CSMD2: variants seen among roughly 807,000 people sequenced by gnomAD.
CSMD2 encodes CUB and Sushi multiple domains 2, also known as CUB and sushi domain-containing protein 2.
A neutral mutation model predicts 398.5 loss-of-function variants in CSMD2; 130 were observed. The observed-to-expected ratio is 0.33, with a 90% CI of 0.28 to 0.38. CSMD2 has a LOEUF of 0.38. Among genes scored for constraint, CSMD2 ranks in the 10% least tolerant of loss-of-function variants. CSMD2 has a pLI of 1.00. For missense variants in CSMD2, 3,829 were observed against 4,764.9 expected, an observed-to-expected ratio of 0.80 and a Z score of 5.78; for synonymous variants, 1,828 against 1,908.5, an observed-to-expected ratio of 0.96 and a Z score of 1.10.
intron 37 of CSMD2, among the ~76,000 whole-genome samples, chr1:33,620,042 G>T (rs1425310267): frequency 6.6e-6 from 1 of 152,172 alleles, no homozygotes. Flanking sequence ...TGGAATGGGA[G>T]AAAGATGAGG....
At chr1:33,726,191 T>C (rs1002862492) in intron 16 of CSMD2, among the ~76,000 whole-genome samples, 9 of 152,146 alleles carry the variant, frequency 5.9e-5, no homozygotes, top group African/African-American at 2.2e-4. Context: ...CCTTCCCACG[T>C]TGGACATTTC....
intron 3 of CSMD2, among the ~76,000 whole-genome samples, chr1:33,968,819 A>G (rs1317751218): frequency 6.6e-6 from 1 of 152,228 alleles, no homozygotes; most frequent in Non-Finnish European, 1.5e-5. Context: ...GTTGGTGACA[A>G]TTTTATAACT....
intron 2 of CSMD2, among the ~76,000 whole-genome samples, chr1:34,065,378 G>C (rs1018039136): frequency 2.6e-5 from 4 of 152,284 alleles, no homozygotes; most frequent in Middle Eastern, 3.4e-3. Context: ...ATGGGCTGGG[G>C]TCCAAATCTC....
intron 3 of CSMD2, among the ~76,000 whole-genome samples, chr1:33,994,317 G>A (rs1383837638): frequency 1.3e-5 from 2 of 152,022 alleles, no homozygotes; most frequent in Non-Finnish European, 2.9e-5. Context: ...TGACAGGCAG[G>A]CAAATTTCAT....
In CSMD2 at chr1:33,611,122, G is replaced by A; in HGVS notation, c.6262C>T (p.Leu2088Phe). ...FSGSELPSSLLSTSHETTVYF... is the reference protein window; with the variant it reads ...FSGSELPSSLFSTSHETTVYF... ...ACGGTGGTCTCGTGGGACGTGGAGA[G>A]GAGGGAGCTTGGAAGCTCGCTTCCA... Residue 2088 changes from leucine to phenylalanine, a missense_variant, in exon 41 of 71, where the codon CTC becomes TTC. Leu to Phe is a conservative substitution (Grantham distance 22). This residue lies in a region of CSMD2 where 2,001 missense variants were observed against 2,567.1 expected (regional missense o/e 0.78). Coordinates refer to ENST00000373381, the MANE Select transcript of CSMD2 (RefSeq NM_001281956.2). 1 of 1,614,110 alleles carries A rather than the reference G, an allele frequency of 6.2e-7. No individual in the cohort carries two copies. Among genetic ancestry groups the A allele is most frequent in the South Asian group, 1.1e-5 (1 of 91,042 alleles).
rs878885361 is a variant in CSMD2 at position 33,546,183 on chromosome 1, G to A, written c.8954C>T (p.Pro2985Leu). The A allele has an allele frequency of 1.2e-6, 2 of 1,614,036 alleles. No homozygotes were observed. Among genetic ancestry groups the A allele is most frequent in the African/African-American group, 1.3e-5 (1 of 75,038 alleles). ...SVGVCGDPGIPAHGIRLGDSF... is the reference protein window; with the variant it reads ...SVGVCGDPGILAHGIRLGDSF... ...GTCCCCCAAACGGATGCCATGAGCC[G>A]GGATCCCAGGGTCACCGCAAACTCC... The change falls in exon 57 of 71, where the codon CCG (proline) becomes CTG (leucine). Residue 2985 changes from proline (P) to leucine (L), a missense_variant. Physicochemically the swap from Pro to Leu is moderately conservative, Grantham distance 98. This residue lies in a region of CSMD2 where 917 missense variants were observed against 1,199.5 expected (regional missense o/e 0.76). Transcript: ENST00000373381.
At chr1:33,677,636 C>G (rs1314085637) in intron 25 of CSMD2, among the ~76,000 whole-genome samples, 1 of 152,124 alleles carries the variant, frequency 6.6e-6, no homozygotes, top group African/African-American at 2.4e-5. Context: ...ATAAATCATG[C>G]AGCTATAAAG....
intron 44 of CSMD2, chr1:33,600,349 C>G: frequency 1.7e-6 from 1 of 588,232 alleles, no homozygotes. Flanking sequence ...GAGGAAATAT[C>G]CAGATCCCTA....
rs553514134 is a variant in CSMD2, at chr1:33,624,302, G to A, written c.5625+217C>T. On this transcript the variant is annotated intron_variant, in intron 35 of 70. Coordinates refer to ENST00000373381, the MANE Select transcript of CSMD2 (RefSeq NM_001281956.2). The surrounding 1 kb of genome is among the most constrained non-coding windows in gnomAD (Gnocchi z 4.7). ...CCACCGCATGTCCCTGAAGCTCTTG[G>A]GGCCTGGAACCTGCTGTGTTTTCTG... 4.6e-5 allele frequency among the ~76,000 whole-genome samples: 7 copies of A among 152,240 alleles called. No homozygotes were observed. In the South Asian group the frequency reaches 1.2e-3, roughly 27 times the overall value.
chr1:33,805,593 A>G (rs576997089), intron 10 of CSMD2, among the ~76,000 whole-genome samples: 1 of 152,178 alleles, frequency 6.6e-6, no homozygotes, highest in African/African-American at 2.4e-5. Context: ...TGAATCCCCA[A>G]TGTGAATATA....
At chr1:33,978,785 C>T (rs903816956) in intron 3 of CSMD2, among the ~76,000 whole-genome samples, 7 of 152,178 alleles carry the variant, frequency 4.6e-5, no homozygotes, top group Admixed American at 4.6e-4. Context: ...CTTCATCCTC[C>T]TCATTGTTTC....
intron 7 of CSMD2, among the ~76,000 whole-genome samples, chr1:33,820,946 C>T (rs1166488984): frequency 6.6e-6 from 1 of 152,066 alleles, no homozygotes; most frequent in African/African-American, 2.4e-5. Context: ...ATGAAATGAG[C>T]CCCCCACCTC....
chr1:33,745,281 T>A (rs1441520), intron 13 of CSMD2, among the ~76,000 whole-genome samples: 18 of 152,292 alleles, frequency 1.2e-4, no homozygotes, highest in Admixed American at 6.5e-4. Flanking sequence ...ATCAGGGTCG[T>A]AGGCGTTCAA....
chr1:33,665,378 G>A (rs1001623792), intron 25 of CSMD2, among the ~76,000 whole-genome samples: 5 of 149,084 alleles, frequency 3.4e-5, no homozygotes, highest in East Asian at 2.0e-4. Context: ...ACCTCTCCCC[G>A]ACCCAACGAT....
At chr1:33,542,993 G>A in intron 57 of CSMD2, 97 bp from the exon 58 acceptor site, 1 of 955,804 alleles carries the variant, frequency 1.0e-6, no homozygotes, top group East Asian at 2.6e-5. Flanking sequence ...TGCTACCTCG[G>A]GACCTCGTGG....
intron 4 of CSMD2, among the ~76,000 whole-genome samples, chr1:33,932,344 T>A (rs900161640): frequency 2.0e-5 from 3 of 151,326 alleles, no homozygotes; most frequent in Admixed American, 1.3e-4. Context: ...ATGGAAGAAA[T>A]CCCCAGAGAA....
chr1:33,702,614 C>T (rs1054848302), intron 22 of CSMD2, among the ~76,000 whole-genome samples: 6 of 152,196 alleles, frequency 3.9e-5, no homozygotes, highest in African/African-American at 1.4e-4. Context: ...ATTATAGATA[C>T]TATAGGGCAA....
chr1:33,736,771 G>A (rs2149238420), intron 15 of CSMD2, among the ~76,000 whole-genome samples: 1 of 152,330 alleles, frequency 6.6e-6, no homozygotes, highest in African/African-American at 2.4e-5. Context: ...CAGGACCAAG[G>A]CCTGTGGAAC....
rs151054897 is a variant in CSMD2, at chr1:33,851,121, C to T, written c.921-4125G>A. ...TAGCATCCCTGAAAACTGACATCTTCAGGAGAACATTCATTCACGCAATCA... is the reference window on the plus strand; with the variant it reads ...TAGCATCCCTGAAAACTGACATCTTTAGGAGAACATTCATTCACGCAATCA... On this transcript the variant is annotated intron_variant, in intron 5 of 70. Coordinates refer to ENST00000373381, the MANE Select transcript of CSMD2 (RefSeq NM_001281956.2). Among the ~76,000 whole-genome samples the T allele has an allele frequency of 2.8e-3, 419 of 152,256 alleles. 4 individuals carry two copies. The highest frequency in any genetic ancestry group is 9.1e-3 in the African/African-American group (379 of 41,544).
Sources: gnomAD v4.1 joint callset for allele counts (sites outside exome capture counted in the v4.1 genomes callset) on GRCh38, gnomAD v4.1.1 for gene constraint, gnomAD v4.1.1 regional missense constraint, Gnocchi (gnomAD v3.1) non-coding constraint, MANE v1.5 for transcripts, NCBI Gene and HGNC (gene_info 2026-07-23, HGNC 2026-07-21) for gene names.